SALL3: variants seen among roughly 807,000 people sequenced by gnomAD.
SALL3 encodes the protein spalt like transcription factor 3.
In SALL3, 25 loss-of-function variants were observed where a neutral mutation model predicts 66.2. The observed-to-expected ratio is 0.38, with a 90% CI of 0.28 to 0.53. The LOEUF is 0.53. SALL3 is among the 20% of genes least tolerant of loss of function. SALL3 has a pLI of 0.85. For synonymous variants in SALL3, 1,152 were observed against 899.1 expected, an observed-to-expected ratio of 1.28 and a Z score of -5.03; for missense variants, 2,194 against 1,916.5, an observed-to-expected ratio of 1.14 and a Z score of -2.70.
Position 78,994,603 on chromosome 18 carries a change from A to G in SALL3, c.2612A>G (p.Glu871Gly). ...GLKSVENGSG[E>G]SDRLSNDSSS... is the part of the protein sequence containing the mutation. Reference sequence around the variant, plus strand: ...AAGTCCGTGGAGAACGGGTCCGGGGAGAGTGACCGCCTGAGCAACGACTCC... The same window carrying G: ...AAGTCCGTGGAGAACGGGTCCGGGGGGAGTGACCGCCTGAGCAACGACTCC... The change falls in exon 2 of 3, where the codon GAG becomes GGG. Residue 871 changes from glutamate (E) to glycine (G), a missense_variant. Transcript: ENST00000537592. 5 of 1,609,206 alleles carry G rather than the reference A, an allele frequency of 3.1e-6. No homozygotes were observed. Among genetic ancestry groups the G allele is most frequent in the Non-Finnish European group, 3.4e-6 (4 of 1,177,824 alleles).
rs550817625 is a variant in SALL3, at chr18:78,989,294, A to T, written c.83-2780A>T. Among the ~76,000 whole-genome samples the T allele has an allele frequency of 2.0e-4, 30 of 152,186 alleles. No homozygotes were observed. The East Asian group carries it at 2.7e-3, about 14-fold the overall frequency. On this transcript the variant is annotated intron_variant, in intron 1 of 2. Coordinates refer to ENST00000537592, the MANE Select transcript of SALL3 (RefSeq NM_171999.4). ...AACCCTAAAAATATTTAACATATTT[A>T]AAAAAAACTAATGGGAATGTAAAAA...
At chr18:78,996,235 G>A (rs1442301330) in intron 2 of SALL3, among the ~76,000 whole-genome samples, 1 of 152,206 alleles carries the variant, frequency 6.6e-6, no homozygotes. Flanking sequence ...AGTACTGGGT[G>A]GCTCAGGCCT....
chr18:78,995,518 T>C (rs1045005519), intron 2 of SALL3, 56 bp downstream of exon 2: 1 of 1,495,442 alleles, frequency 6.7e-7, no homozygotes, highest in African/African-American at 1.4e-5. Flanking sequence ...CACGGTGGCT[T>C]TCTCCATCAC....
intron 1 of SALL3, among the ~76,000 whole-genome samples, chr18:78,988,680 T>C (rs767852757): frequency 3.3e-5 from 5 of 152,246 alleles, no homozygotes; most frequent in Non-Finnish European, 5.9e-5. Context: ...TGAAATTCGT[T>C]CTTATCTACA....
intron 1 of SALL3, among the ~76,000 whole-genome samples, chr18:78,990,700 G>A (rs1353155328): frequency 6.6e-6 from 1 of 152,124 alleles, no homozygotes; most frequent in Non-Finnish European, 1.5e-5. Context: ...TCAACTGTGC[G>A]CGTTTAACAA....
In SALL3 at chr18:78,992,525, G is replaced by C; in HGVS notation, c.534G>C (p.Val178=). 6.7e-7 allele frequency: 1 copy of C among 1,491,098 alleles called. No homozygotes were observed. The highest frequency in any genetic ancestry group is 1.2e-5 in the South Asian group (1 of 81,304). The allele number at this position is 1,491,098 out of a possible 1,614,324, so 92.4% of individuals were successfully genotyped here. A position where few individuals can be genotyped will look rare whatever the true frequency, so the allele number is the denominator to read the frequency against. The change falls in exon 2 of 3, where the codon GTG becomes GTC. Residue 178 remains valine (V), a synonymous_variant. Coordinates refer to ENST00000537592, the MANE Select transcript of SALL3 (RefSeq NM_171999.4). ...CGCTGCTGAGCACCAAGGTGGCGGT[G>C]GCGCAGTTCTCGCAGGGCGCGCGCG... ...LEALLSTKVA[V]AQFSQGARAA...
In SALL3 at chr18:78,980,254, G is replaced by A; in HGVS notation, c.-21G>A. The A allele has an allele frequency of 2.4e-6, 3 of 1,237,048 alleles. No individual in the cohort carries two copies. Among genetic ancestry groups the A allele is most frequent in the Non-Finnish European group, 3.1e-6 (3 of 971,106 alleles). 76.6% of individuals were successfully genotyped at this position (1,237,048 alleles called of 1,614,324 possible). A position where few individuals can be genotyped will look rare whatever the true frequency, so the allele number is the denominator to read the frequency against. ...CCGCTGATGCCGCTGCCCCGCGCGG[G>A]GCCCGAGCGCCGCTAGCAGCATGTC... On this transcript the variant is annotated 5_prime_UTR_variant, in exon 1 of 3. Transcript: ENST00000537592.
intron 1 of SALL3, among the ~76,000 whole-genome samples, chr18:78,981,708 G>C (rs1432414772): frequency 6.6e-6 from 1 of 152,218 alleles, no homozygotes; most frequent in African/African-American, 2.4e-5. Flanking sequence ...ATGCTAAAAA[G>C]AAACGCTTGC....
intron 1 of SALL3, among the ~76,000 whole-genome samples, chr18:78,983,949 A>G (rs767547016): frequency 2.2e-4 from 34 of 152,242 alleles, no homozygotes; most frequent in Non-Finnish European, 3.2e-4. Flanking sequence ...AAGCATACCA[A>G]TTAATTCCCA....
chr18:78,981,429 G>A (rs377467490), intron 1 of SALL3, among the ~76,000 whole-genome samples: 2 of 152,368 alleles, frequency 1.3e-5, no homozygotes, highest in African/African-American at 4.8e-5. Flanking sequence ...GTTATAAGTT[G>A]TTGGAGGCAG....
At chr18:78,985,553 C>T (rs1400410603) in intron 1 of SALL3, among the ~76,000 whole-genome samples, 1 of 152,106 alleles carries the variant, frequency 6.6e-6, no homozygotes, top group East Asian at 1.9e-4. Flanking sequence ...TGATTTTTTG[C>T]ATATGTGCAA....
Position 78,992,462 on chromosome 18 carries a change from C to G in SALL3, c.471C>G (p.Pro157=). ...PPPAAPAPPT[P]AYGAPSTNVT... ...CTGCGGCCCCTGCACCCCCAACGCC[C>G]GCCTACGGCGCGCCCAGCACCAACG... is the stretch of plus-strand genomic sequence containing the variant. The change falls in exon 2 of 3, where the codon CCC becomes CCG. Residue 157 remains proline (P), a synonymous_variant. Transcript: ENST00000537592. The G allele has an allele frequency of 1.4e-6, 2 of 1,438,566 alleles. No individual in the cohort carries two copies. The highest frequency in any genetic ancestry group is 1.8e-6 in the Non-Finnish European group (2 of 1,100,602). The allele number at this position is 1,438,566 out of a possible 1,614,324, so 89.1% of individuals were successfully genotyped here.
rs757595245 is a variant in SALL3 at position 78,992,060 on chromosome 18, T to A, written c.83-14T>A. 1.4e-6 allele frequency: 2 copies of A among 1,449,532 alleles called. No homozygotes were observed. Among genetic ancestry groups the A allele is most frequent in the Non-Finnish European group, 1.8e-6 (2 of 1,097,732 alleles). 89.8% of individuals were successfully genotyped at this position (1,449,532 alleles called of 1,614,324 possible). Reference sequence around the variant, plus strand: ...GCGCCGAGCCCCGGCTGACTCACTCTCTTGGTCTTGCAGCCGCCCCGGGGG... The same window carrying A: ...GCGCCGAGCCCCGGCTGACTCACTCACTTGGTCTTGCAGCCGCCCCGGGGG... On this transcript the variant is annotated splice_polypyrimidine_tract_variant and intron_variant, in intron 1 of 2. Coordinates refer to ENST00000537592, the MANE Select transcript of SALL3 (RefSeq NM_171999.4).
Position 78,994,954 on chromosome 18 carries a change from G to C in SALL3, c.2963G>C (p.Cys988Ser), listed in dbSNP as rs1163589552. 2 of 1,613,768 alleles carry C rather than the reference G, an allele frequency of 1.2e-6. No homozygotes were observed. Among genetic ancestry groups the C allele is most frequent in the Non-Finnish European group, 1.7e-6 (2 of 1,179,992 alleles). The part of the protein sequence containing the change: ...VCGVCGKPFA[C>S]KSALEIHYRS... ...GGTGTCTGTGGCAAGCCTTTTGCTT[G>C]CAAGAGCGCGTTGGAAATCCACTAC... Residue 988 changes from cysteine (C) to serine (S), a missense_variant, in exon 2 of 3, where the codon TGC (cysteine) becomes TCC (serine). Transcript: ENST00000537592.
Position 78,994,028 on chromosome 18 carries a change from C to A in SALL3, c.2037C>A (p.Asn679Lys). 1 of 1,612,684 alleles carries A rather than the reference C, an allele frequency of 6.2e-7. No homozygotes were observed. The highest frequency in any genetic ancestry group is 8.5e-7 in the Non-Finnish European group (1 of 1,179,880). ...TCGACAAGAAGATGACGGACCCGAA[C>A]CAGTGCGTCATCTGCCACCGGGTGC... ...ENIDKKMTDPNQCVICHRVLS... is the reference protein window; with the variant it reads ...ENIDKKMTDPKQCVICHRVLS... Residue 679 changes from asparagine to lysine, a missense_variant, in exon 2 of 3, where the codon AAC becomes AAA. Physicochemically the swap from Asn to Lys is moderately conservative, Grantham distance 94 (BLOSUM62 0). Coordinates refer to ENST00000537592, the MANE Select transcript of SALL3 (RefSeq NM_171999.4).
Position 78,992,594 on chromosome 18 carries a change from C to A in SALL3, c.603C>A (p.Ala201=). The A allele has an allele frequency of 6.6e-7, 1 of 1,526,100 alleles. No homozygotes were observed. The highest frequency in any genetic ancestry group is 2.6e-5 in the East Asian group (1 of 38,160). 94.5% of individuals were successfully genotyped at this position (1,526,100 alleles called of 1,614,324 possible). A position where few individuals can be genotyped will look rare whatever the true frequency, so the allele number is the denominator to read the frequency against. Residue 201 remains alanine (A), a synonymous_variant, in exon 2 of 3, where the codon GCC becomes GCA. Coordinates refer to ENST00000537592, the MANE Select transcript of SALL3 (RefSeq NM_171999.4). Reference sequence around the variant, plus strand: ...CAGGTGGAGGCGTGGCAGCTGCAGCCGTGCCCCTGATCCTGGAACAGCTCA... The same window carrying A: ...CAGGTGGAGGCGTGGCAGCTGCAGCAGTGCCCCTGATCCTGGAACAGCTCA... ...SGAGGGVAAA[A]VPLILEQLMA...
chr18:78,984,837 G>A (rs1284356146), intron 1 of SALL3, among the ~76,000 whole-genome samples: 13 of 152,172 alleles, frequency 8.5e-5, no homozygotes, highest in Admixed American at 7.8e-4. Flanking sequence ...AGACTGAGAC[G>A]GTGTCCACCA....
intron 1 of SALL3, among the ~76,000 whole-genome samples, chr18:78,990,277 C>A (rs1914384405): frequency 6.6e-6 from 1 of 152,222 alleles, no homozygotes; most frequent in African/African-American, 2.4e-5. Flanking sequence ...CCTCTTGCTG[C>A]AGTCTGGTCT....
chr18:78,998,245 A>G lies in SALL3; in HGVS notation c.*923A>G, dbSNP rs1453270251. Reference sequence around the variant, plus strand: ...GCAAACTCTTAATTTATACTATTGCACTTTTAGTATTTTGTATTAGGGAGG... The same window carrying G: ...GCAAACTCTTAATTTATACTATTGCGCTTTTAGTATTTTGTATTAGGGAGG... On this transcript the variant is annotated 3_prime_UTR_variant, in exon 3 of 3. Transcript: ENST00000537592. 1 of 152,308 alleles carries G rather than the reference A, an allele frequency of 6.6e-6. No homozygotes were observed. The highest frequency in any genetic ancestry group is 1.5e-5 in the Non-Finnish European group (1 of 68,030). 9.4% of individuals were successfully genotyped at this position (152,308 alleles called of 1,614,324 possible).
Sources: gnomAD v4.1 joint callset for allele counts (sites outside exome capture counted in the v4.1 genomes callset) on GRCh38, gnomAD v4.1.1 for gene constraint, MANE v1.5 for transcripts, NCBI Gene and HGNC (gene_info 2026-07-23, HGNC 2026-07-21) for gene names.